The following LDLRAP1 variants were observed in gnomAD, a reference collection of about 807,000 sequenced individuals.
LDLRAP1 encodes the protein low density lipoprotein receptor adaptor protein 1.
In LDLRAP1, 30 loss-of-function variants were observed where a neutral mutation model predicts 37.8. That is an observed-to-expected ratio of 0.79 (90% CI 0.59 to 1.08). The LOEUF (loss-of-function observed/expected upper bound fraction) is 1.08, where lower values mean the gene tolerates loss of function less well. Among genes scored for constraint, LDLRAP1 ranks in the 50% least tolerant of loss-of-function variants. The pLI, the probability that LDLRAP1 is intolerant of heterozygous loss-of-function variation, is 0.00. For synonymous variants in LDLRAP1, 156 were observed against 169.8 expected (o/e 0.92, Z 0.63); for missense variants, 375 against 401.6 (o/e 0.93, Z 0.57).
chr1:25,546,151 G>A (rs2043928738), intron 1 of LDLRAP1, among the ~76,000 whole-genome samples: 1 of 152,190 alleles, frequency 6.6e-6, no homozygotes, highest in African/African-American at 2.4e-5. Flanking sequence ...CATGGGGTAT[G>A]TGGGGGTGGG....
rs546193771 is a variant in LDLRAP1, at chr1:25,543,765, G to A, written c.67G>A (p.Gly23Arg). 1.2e-5 allele frequency: 15 copies of A among 1,209,750 alleles called. No individual in the cohort carries two copies. The highest frequency in any genetic ancestry group is 3.4e-5 in the East Asian group (1 of 29,750). 74.9% of individuals were successfully genotyped at this position (1,209,750 alleles called of 1,614,324 possible). ...RSPSLAKQSW[G>R]GGGRHRKLPE... ...CCCCAGCTTGGCCAAGCAGAGCTGG[G>A]GGGGCGGTGGCCGGCACCGCAGTGA... The change falls in exon 1 of 9, where the codon GGG becomes AGG. Residue 23 changes from glycine to arginine, a missense_variant. Physicochemically the swap from Gly to Arg is moderately radical, Grantham distance 125. Coordinates refer to ENST00000374338, the MANE Select transcript of LDLRAP1 (RefSeq NM_015627.3).
At chr1:25,578,151 CCTCT>C in the LDLRAP1 span, among the ~76,000 whole-genome samples, 6 of 151,216 alleles carry the variant, frequency 4.0e-5, no homozygotes, top group African/African-American at 9.7e-5. Flanking sequence ...AGAGTTATTT[CCTCT>C]CTCTCTCTCT....
downstream of LDLRAP1, among the ~76,000 whole-genome samples, chr1:25,573,705 G>A (rs137948091): frequency 2.9e-3 from 442 of 152,306 alleles, 1 homozygote; most frequent in African/African-American, 9.4e-3. Context: ...CACACGTTAC[G>A]TAATCCTTAG....
Position 25,557,875 on chromosome 1 carries a change from C to T in LDLRAP1, c.459+608C>T, listed in dbSNP as rs72873740. On this transcript the variant is annotated intron_variant, in intron 4 of 8. Transcript: ENST00000374338. Reference sequence around the variant, plus strand: ...TGCAAGGTGGCAACTGTTACTCTCTCCATTTTTTTTTCTTCTTTTTTTTAA... The same window carrying T: ...TGCAAGGTGGCAACTGTTACTCTCTTCATTTTTTTTTCTTCTTTTTTTTAA... Among the ~76,000 whole-genome samples the T allele has an allele frequency of 3.5e-3, 446 of 126,422 alleles. 2 individuals are homozygous for T. Among genetic ancestry groups the T allele is most frequent in the African/African-American group, 0.015 (440 of 30,230 alleles). 82.9% of individuals were successfully genotyped at this position (126,422 alleles called of 152,430 possible). A position where few individuals can be genotyped will look rare whatever the true frequency, so the allele number is the denominator to read the frequency against.
At chr1:25,565,093 C>T (rs2044441536) in intron 7 of LDLRAP1, 80 bp from the exon 8 acceptor site, 3 of 1,512,268 alleles carry the variant, frequency 2.0e-6, no homozygotes, top group Non-Finnish European at 2.8e-6. Context: ...CTGTAGCTTA[C>T]CCAGGGCTGG....
chr1:25,582,438 A>G, the LDLRAP1 span, among the ~76,000 whole-genome samples: 1 of 151,004 alleles, frequency 6.6e-6, no homozygotes, highest in South Asian at 2.1e-4. Flanking sequence ...TACAAAACTT[A>G]GCTGGGCATG....
intron 6 of LDLRAP1, 36 bp from the exon 7 acceptor site, chr1:25,563,625 G>A: frequency 6.2e-7 from 1 of 1,611,546 alleles, no homozygotes; most frequent in Non-Finnish European, 8.5e-7. Context: ...GGAAGAGGCT[G>A]ATCTCCCACT....
In LDLRAP1 at chr1:25,566,926, C is replaced by T. The variant is rs767867837; in HGVS notation, c.861C>T (p.Leu287=). 1.2e-4 allele frequency: 197 copies of T among 1,613,492 alleles called. 1 individual carries two copies. The Admixed American group carries it at 3.2e-3, about 26-fold the overall frequency. The change falls in exon 9 of 9, where the codon CTC becomes CTT. Residue 287 remains leucine, a synonymous_variant. Transcript: ENST00000374338. ...TAQDMHYAQC[L]SPVDWDKPDS... ...AGGACATGCATTACGCCCAGTGCCT[C>T]TCGCCTGTCGACTGGGACAAGCCTG...
chr1:25,569,281 ACTTTATCATTC>A (rs1044774383), downstream of LDLRAP1, among the ~76,000 whole-genome samples: 132 of 152,116 alleles, frequency 8.7e-4, 1 homozygote, highest in African/African-American at 3.0e-3. Context: ...GATCCGCAAC[ACTTTATCATTC>A]CACAGACTTG....
chr1:25,550,662 A>C (rs1347822816), intron 1 of LDLRAP1, among the ~76,000 whole-genome samples: 1 of 151,954 alleles, frequency 6.6e-6, no homozygotes, highest in African/African-American at 2.4e-5. Context: ...GGGTGAGGAG[A>C]GTCCCTCTGA....
intron 1 of LDLRAP1, 131 bp from the exon 2 acceptor site, chr1:25,553,791 A>C: frequency 1.3e-5 from 9 of 707,188 alleles, no homozygotes; most frequent in Non-Finnish European, 2.0e-5. Context: ...AAAAAAAAAG[A>C]GTGGCAGTAG....
intron 4 of LDLRAP1, among the ~76,000 whole-genome samples, chr1:25,558,513 G>A (rs181520243): frequency 6.6e-6 from 1 of 152,310 alleles, no homozygotes; most frequent in East Asian, 1.9e-4. Flanking sequence ...TAGGTCGGCA[G>A]GATTGTGTTT....
chr1:25,551,514 T>C (rs2044070952), intron 1 of LDLRAP1, among the ~76,000 whole-genome samples: 1 of 152,178 alleles, frequency 6.6e-6, no homozygotes, highest in Non-Finnish European at 1.5e-5. Flanking sequence ...TAGCTATGGC[T>C]TTATTATTGT....
At chr1:25,582,390 T>G in the LDLRAP1 span, among the ~76,000 whole-genome samples, 1,268 of 151,956 alleles carry the variant, frequency 8.3e-3, 20 homozygotes, top group Non-Finnish European at 9.5e-3. Flanking sequence ...ATCGAGACCA[T>G]CCTGGCGAAC....
At position 25,555,062 on chromosome 1, in the gene LDLRAP1, A is replaced by T; in HGVS notation, c.344+90A>T. 1.1e-6 allele frequency: 1 copy of T among 921,236 alleles called. No individual in the cohort carries two copies. Among genetic ancestry groups the T allele is most frequent in the Non-Finnish European group, 1.8e-6 (1 of 564,108 alleles). The allele number at this position is 921,236 out of a possible 1,614,324, so 57.1% of individuals were successfully genotyped here. On this transcript the variant is annotated intron_variant, in intron 3 of 8. Coordinates refer to ENST00000374338, the MANE Select transcript of LDLRAP1 (RefSeq NM_015627.3). This position sits in a 1 kb window ranked among gnomAD's most constrained non-coding sequence, Gnocchi z 4.7. The stretch of plus-strand genomic sequence containing the variant: ...CTGAATCCAGGCTCTACCACTTCCT[A>T]CCTGGGTGACATTGGAGCCTCAGTT...
chr1:25,575,022 G>A, the LDLRAP1 span, among the ~76,000 whole-genome samples: 1 of 152,178 alleles, frequency 6.6e-6, no homozygotes, highest in Non-Finnish European at 1.5e-5. Flanking sequence ...TGGGTTCAGG[G>A]TCTCCTCCCC....
At chr1:25,583,006 A>G in the LDLRAP1 span, among the ~76,000 whole-genome samples, 3 of 151,492 alleles carry the variant, frequency 2.0e-5, no homozygotes, top group African/African-American at 7.3e-5. Flanking sequence ...CGGGAGGCAG[A>G]GCTTACAGTG....
At chr1:25,543,811 C>T in intron 1 of LDLRAP1, 25 bp downstream of exon 1, 3 of 1,197,758 alleles carry the variant, frequency 2.5e-6, no homozygotes, top group South Asian at 4.2e-5. Context: ...GTCAGCCGGG[C>T]CGGGCCGGGA....
intron 1 of LDLRAP1, among the ~76,000 whole-genome samples, chr1:25,552,826 G>T (rs1051481925): frequency 6.6e-6 from 1 of 152,176 alleles, no homozygotes; most frequent in African/African-American, 2.4e-5. Context: ...ACCCAGTGAG[G>T]CAGGCTCATC....
Sources: allele counts gnomAD v4.1 joint callset (sites outside exome capture counted in the v4.1 genomes callset), GRCh38; gene constraint gnomAD v4.1.1; non-coding constraint Gnocchi (gnomAD v3.1); transcripts MANE v1.5; gene names NCBI Gene and HGNC (gene_info 2026-07-23, HGNC 2026-07-21).